Variants in KALRN observed in about 807,000 individuals in gnomAD.
The protein encoded by KALRN is kalirin RhoGEF kinase, also known as kalirin.
A neutral mutation model predicts 353.7 loss-of-function variants in KALRN; 70 were observed. The observed-to-expected ratio is 0.20, with a 90% CI of 0.16 to 0.24. The LOEUF is 0.24. KALRN is among the 10% of genes least tolerant of loss of function. The pLI is 1.00. For synonymous variants in KALRN, 1,391 were observed against 1,434.8 expected, an observed-to-expected ratio of 0.97 and a Z score of 0.69; for missense variants, 2,791 against 3,756.7, an observed-to-expected ratio of 0.74 and a Z score of 6.72.
rs142843375 is a variant in KALRN, at chr3:124,130,053, C to T, written c.73+96240C>T. Reference sequence around the variant, plus strand: ...AGTGAAATGAATAACAACTCACTTACCTATTTTGGGGACAACTTTTACCAT... The same window carrying T: ...AGTGAAATGAATAACAACTCACTTATCTATTTTGGGGACAACTTTTACCAT... On this transcript the variant is annotated intron_variant, in intron 1 of 59. Coordinates refer to ENST00000682506, the MANE Select transcript of KALRN (RefSeq NM_001388419.1). Among the ~76,000 whole-genome samples the T allele has an allele frequency of 9.1e-4, 139 of 152,286 alleles. 1 individual carries two copies. The highest frequency in any genetic ancestry group is 1.5e-3 in the Non-Finnish European group (100 of 68,026).
At chr3:124,538,523 A>T (rs767480664) in intron 33 of KALRN, among the ~76,000 whole-genome samples, 1 of 152,214 alleles carries the variant, frequency 6.6e-6, no homozygotes, top group Non-Finnish European at 1.5e-5. Context: ...ATAATTTTCC[A>T]TAGAGAAACT....
Position 124,036,139 on chromosome 3 carries a change from C to T in KALRN, c.73+2326C>T, listed in dbSNP as rs563001735. On this transcript the variant is annotated intron_variant, in intron 1 of 59. Transcript: ENST00000682506. ...GATAAACTGTGTGTCACAGGGGTTTCGTATACAGATTATTTCATCACCTTG... is the reference window on the plus strand; with the variant it reads ...GATAAACTGTGTGTCACAGGGGTTTTGTATACAGATTATTTCATCACCTTG... 2.1e-4 allele frequency among the ~76,000 whole-genome samples: 32 copies of T among 152,202 alleles called. No homozygotes were observed. The East Asian group carries it at 2.3e-3, about 11-fold the overall frequency.
chr3:124,095,943 A>C (rs1455063544), intron 1 of KALRN: 2 of 152,254 alleles, frequency 1.3e-5, no homozygotes, highest in African/African-American at 4.8e-5. Flanking sequence ...GGAAGCAGAC[A>C]GCTGCACAGA....
At chr3:124,518,364 T>A (rs2066860154) in intron 33 of KALRN, 1 of 1,584,744 alleles carries the variant, frequency 6.3e-7, no homozygotes, top group Non-Finnish European at 8.7e-7. Context: ...TGCAAAGTTA[T>A]ATGCAAATCA....
Position 124,655,505 on chromosome 3 carries a change from T to C in KALRN, c.5796-96T>C, listed in dbSNP as rs2150151740. 5.4e-6 allele frequency: 5 copies of C among 930,014 alleles called. No individual in the cohort carries two copies. The South Asian group carries it at 5.5e-5, about 10-fold the overall frequency. 57.6% of individuals were successfully genotyped at this position (930,014 alleles called of 1,614,324 possible). ...GTGTGGGTGTTTTAAGGGGTCTTGTTATAAAGGTGCCAAAGTAACTTTTCT... is the reference window on the plus strand; with the variant it reads ...GTGTGGGTGTTTTAAGGGGTCTTGTCATAAAGGTGCCAAAGTAACTTTTCT... On this transcript the variant is annotated intron_variant, in intron 38 of 59. Transcript: ENST00000682506.
At position 124,413,505 on chromosome 3, in the gene KALRN, G is replaced by C. The variant is rs779442681; in HGVS notation, c.2382G>C (p.Leu794Phe). The C allele has an allele frequency of 6.2e-7, 1 of 1,614,138 alleles. No homozygotes were observed. Residue 794 changes from leucine to phenylalanine, a missense_variant, in exon 14 of 60, where the codon TTG (leucine) becomes TTC (phenylalanine). Physicochemically the swap from Leu to Phe is conservative, Grantham distance 22. This residue lies in a region of KALRN where 452 missense variants were observed against 575.8 expected (regional missense o/e 0.78). Coordinates refer to ENST00000682506, the MANE Select transcript of KALRN (RefSeq NM_001388419.1). ...AGCTAGACGCCTGGAATGAAGACTT[G>C]CTTCGGCAGATGAATGACTTCAACA... ...TAELDAWNEDLLRQMNDFNTE... is the reference protein window; with the variant it reads ...TAELDAWNEDFLRQMNDFNTE...
chr3:124,378,168 C>A (rs923499919), intron 10 of KALRN, among the ~76,000 whole-genome samples: 1 of 151,598 alleles, frequency 6.6e-6, no homozygotes, highest in Admixed American at 6.6e-5. Context: ...TTTTATGATC[C>A]CATTTGACTT....
At chr3:124,424,989 C>T (rs2092951236) in intron 15 of KALRN, among the ~76,000 whole-genome samples, 1 of 151,996 alleles carries the variant, frequency 6.6e-6, no homozygotes, top group South Asian at 2.1e-4. Flanking sequence ...CCATGTGGTC[C>T]CAGGAGAAAT....
chr3:124,310,372 A>C (rs1406899651), intron 6 of KALRN, among the ~76,000 whole-genome samples: 1 of 152,210 alleles, frequency 6.6e-6, no homozygotes, highest in Non-Finnish European at 1.5e-5. Context: ...GTATATCTCT[A>C]TCAGGATCCC....
At chr3:124,064,078 C>T (rs2042166571) in intron 1 of KALRN, among the ~76,000 whole-genome samples, 1 of 151,970 alleles carries the variant, frequency 6.6e-6, no homozygotes, top group African/African-American at 2.4e-5. Context: ...TTGATAGGCC[C>T]CATGTTAAGG....
chr3:124,337,532 G>A (rs1325900023), intron 9 of KALRN, among the ~76,000 whole-genome samples: 1 of 152,146 alleles, frequency 6.6e-6, no homozygotes, highest in East Asian at 1.9e-4. Flanking sequence ...ATGTGCTGCT[G>A]GATTCATTTG....
chr3:124,070,979 T>A (rs1234265571), intron 1 of KALRN, among the ~76,000 whole-genome samples: 1 of 55,874 alleles, frequency 1.8e-5, no homozygotes, highest in East Asian at 7.7e-4. Context: ...CTTGTCTTGC[T>A]CCCTTCCACT....
chr3:124,063,540 C>T (rs757968237), intron 1 of KALRN, among the ~76,000 whole-genome samples: 2 of 152,170 alleles, frequency 1.3e-5, no homozygotes, highest in Non-Finnish European at 2.9e-5. Context: ...AAGACACAAA[C>T]ATTCTCGGCC....
chr3:124,671,591 A>T, intron 47 of KALRN, 69 bp from the exon 48 acceptor site: 1 of 1,067,332 alleles, frequency 9.4e-7, no homozygotes, highest in South Asian at 1.3e-5. Context: ...AAAGCCTTGG[A>T]CCTAAGAGGC....
chr3:124,512,685 A>T (rs1026615633), intron 33 of KALRN, among the ~76,000 whole-genome samples: 4 of 151,916 alleles, frequency 2.6e-5, no homozygotes, highest in Admixed American at 6.6e-5. Context: ...TAAAAATTTA[A>T]AAAAAAACAT....
intron 1 of KALRN, among the ~76,000 whole-genome samples, chr3:124,050,508 C>T (rs1202138712): frequency 2.0e-5 from 3 of 152,184 alleles, no homozygotes; most frequent in Admixed American, 6.5e-5. Flanking sequence ...CCTTCAACAC[C>T]TCAGGAGTAG....
intron 1 of KALRN, among the ~76,000 whole-genome samples, chr3:124,209,896 C>T (rs941528293): frequency 9.9e-5 from 15 of 152,178 alleles, no homozygotes; most frequent in African/African-American, 3.4e-4. Context: ...GTATTTCATC[C>T]TAATAAGTTC....
At chr3:124,600,084 G>C (rs895345359) in intron 34 of KALRN, among the ~76,000 whole-genome samples, 8 of 152,236 alleles carry the variant, frequency 5.3e-5, no homozygotes, top group Admixed American at 5.2e-4. Context: ...AGAAGAGAAA[G>C]TGGGCAAGGC....
intron 1 of KALRN, among the ~76,000 whole-genome samples, chr3:124,075,439 A>G (rs1167950061): frequency 6.6e-6 from 1 of 152,180 alleles, no homozygotes; most frequent in Non-Finnish European, 1.5e-5. Flanking sequence ...AGTATCATCA[A>G]CTGGTTCCAC....
Sources: gnomAD v4.1 joint callset for allele counts (sites outside exome capture counted in the v4.1 genomes callset) on GRCh38, gnomAD v4.1.1 for gene constraint, gnomAD v4.1.1 regional missense constraint, MANE v1.5 for transcripts, NCBI Gene and HGNC (gene_info 2026-07-23, HGNC 2026-07-21) for gene names.